RTN4R: variants seen among roughly 807,000 people sequenced by gnomAD.
RTN4R encodes the protein reticulon-4 receptor.
A neutral mutation model predicts 27.7 loss-of-function variants in RTN4R; 4 were observed. That is an observed-to-expected ratio of 0.14 (90% CI 0.07 to 0.33). The LOEUF (loss-of-function observed/expected upper bound fraction) is 0.33, where lower values mean the gene tolerates loss of function less well. Ranked by LOEUF, RTN4R falls within the 10% of genes least tolerant of loss-of-function variation. The pLI, the probability that RTN4R is intolerant of heterozygous loss-of-function variation, is 1.00. For synonymous variants in RTN4R, 290 were observed against 305.6 expected (o/e 0.95, Z 0.53); for missense variants, 554 against 671.5 (o/e 0.83, Z 1.93).
intron 1 of RTN4R, among the ~76,000 whole-genome samples, chr22:20,256,576 G>A (rs1417434521): frequency 6.6e-6 from 1 of 152,188 alleles, no homozygotes; most frequent in African/African-American, 2.4e-5. Flanking sequence ...CCTGTTCAGG[G>A]CAGCCCCTGG....
In RTN4R at chr22:20,265,839, A is replaced by G. The variant is rs183999305; in HGVS notation, c.22+2232T>C. Among the ~76,000 whole-genome samples the G allele has an allele frequency of 1.3e-3, 204 of 152,318 alleles. 1 individual carries two copies. Among genetic ancestry groups the G allele is most frequent in the African/African-American group, 4.5e-3 (187 of 41,560 alleles). On this transcript the variant is annotated intron_variant, in intron 1 of 1. Coordinates refer to ENST00000043402, the MANE Select transcript of RTN4R (RefSeq NM_023004.6). ...GCACCAGAGTCAGAACTCCACAGGG[A>G]AAGCCGGGCCAATTCCGCCCAGCCT...
intron 1 of RTN4R, among the ~76,000 whole-genome samples, chr22:20,265,855 C>T (rs1452492728): frequency 6.6e-6 from 1 of 152,228 alleles, no homozygotes; most frequent in Non-Finnish European, 1.5e-5. Context: ...GGGCCAATTC[C>T]GCCCAGCCTC....
In RTN4R at chr22:20,241,503, G is replaced by A; in HGVS notation, c.*208C>T. 1.7e-6 allele frequency: 1 copy of A among 598,756 alleles called. No homozygotes were observed. Among genetic ancestry groups the A allele is most frequent in the Non-Finnish European group, 3.0e-6 (1 of 335,494 alleles). 37.1% of individuals were successfully genotyped at this position (598,756 alleles called of 1,614,324 possible). ...ATCTCTATATACCGCGATCTGGGTGGGAGGCGGCGTTCTGGAACAAACGCT... is the reference window on the plus strand; with the variant it reads ...ATCTCTATATACCGCGATCTGGGTGAGAGGCGGCGTTCTGGAACAAACGCT... On this transcript the variant is annotated 3_prime_UTR_variant, in exon 2 of 2. Transcript: ENST00000043402.
chr22:20,244,942 A>G (rs1346456954), intron 1 of RTN4R, among the ~76,000 whole-genome samples: 1 of 151,712 alleles, frequency 6.6e-6, no homozygotes, highest in Non-Finnish European at 1.5e-5. Flanking sequence ...CACGCCCGCC[A>G]CATTACCACT....
chr22:20,259,209 C>T lies in RTN4R; in HGVS notation c.22+8862G>A, dbSNP rs371521158. ...CACCCCAGGGGACCGGCCTCCGCTC[C>T]GGCAGCGGGTGAAGAATGGACTCCA... On this transcript the variant is annotated intron_variant, in intron 1 of 1. Transcript: ENST00000043402. Among the ~76,000 whole-genome samples, 4 of 152,308 alleles carry T rather than the reference C, an allele frequency of 2.6e-5. No individual in the cohort carries two copies. The South Asian group carries it at 6.2e-4, about 24-fold the overall frequency.
At chr22:20,252,169 TTCA>T (rs886586082) in intron 1 of RTN4R, among the ~76,000 whole-genome samples, 37 of 85,108 alleles carry the variant, frequency 4.3e-4, no homozygotes, top group African/African-American at 1.5e-3. Flanking sequence ...CATCATCGTC[TTCA>T]TCATCATCAC....
intron 1 of RTN4R, among the ~76,000 whole-genome samples, chr22:20,251,775 C>G (rs2051180119): frequency 1.3e-5 from 2 of 150,014 alleles, no homozygotes; most frequent in Admixed American, 6.6e-5. Flanking sequence ...TCATCACCAT[C>G]CTCATCACCA....
chr22:20,253,548 G>A (rs965032971), intron 1 of RTN4R, among the ~76,000 whole-genome samples: 2 of 152,150 alleles, frequency 1.3e-5, no homozygotes, highest in African/African-American at 2.4e-5. Context: ...ACCCAGGGCC[G>A]ATGGGCAGAA....
chr22:20,266,081 G>A (rs1407215814), intron 1 of RTN4R, among the ~76,000 whole-genome samples: 7 of 152,180 alleles, frequency 4.6e-5, no homozygotes, highest in East Asian at 1.9e-4. Flanking sequence ...TCCCACCCCC[G>A]GCATGGGAGC....
intron 1 of RTN4R, among the ~76,000 whole-genome samples, chr22:20,246,820 G>A (rs986926502): frequency 2.0e-5 from 3 of 152,338 alleles, no homozygotes; most frequent in African/African-American, 7.2e-5. Context: ...TGGTGCCCTC[G>A]GGCCCCAATG....
rs1363533255 is a variant in RTN4R, at chr22:20,241,777, G to A, written c.1356C>T (p.Ser452=). The part of the protein sequence containing the change: ...GDSEGSGALP[S]LTCSLTPLGL... Reference sequence around the variant, plus strand: ...CCAGGGGGGTGAGGCTGCAGGTGAGGCTGGGTAGGGCACCTGAGCCTTCTG... The same window carrying A: ...CCAGGGGGGTGAGGCTGCAGGTGAGACTGGGTAGGGCACCTGAGCCTTCTG... The change falls in exon 2 of 2, where the codon AGC becomes AGT. Residue 452 remains serine, a synonymous_variant. Coordinates refer to ENST00000043402, the MANE Select transcript of RTN4R (RefSeq NM_023004.6). 6.4e-7 allele frequency: 1 copy of A among 1,557,014 alleles called. No individual in the cohort carries two copies. Among genetic ancestry groups the A allele is most frequent in the South Asian group, 1.2e-5 (1 of 84,916 alleles).
At chr22:20,250,975 C>T (rs2051173335) in intron 1 of RTN4R, among the ~76,000 whole-genome samples, 1 of 152,188 alleles carries the variant, frequency 6.6e-6, no homozygotes, top group Non-Finnish European at 1.5e-5. Flanking sequence ...GGTGGCACTT[C>T]AGAGGAGACA....
chr22:20,254,186 T>C (rs1468239427), intron 1 of RTN4R, among the ~76,000 whole-genome samples: 3 of 152,052 alleles, frequency 2.0e-5, no homozygotes, highest in African/African-American at 7.2e-5. Context: ...CCCAGCACTT[T>C]GGGAGACTGA....
At chr22:20,249,130 A>C (rs748919121) in intron 1 of RTN4R, 4 of 534,178 alleles carry the variant, frequency 7.5e-6, no homozygotes, top group Non-Finnish European at 1.5e-5. Context: ...TATCTGGAGA[A>C]TCCTGTCTCC....
In RTN4R at chr22:20,242,550, C is replaced by T. The variant is rs777614956; in HGVS notation, c.583G>A (p.Glu195Lys). 1.4e-5 allele frequency: 23 copies of T among 1,613,408 alleles called. No individual in the cohort carries two copies. Among genetic ancestry groups the T allele is most frequent in the South Asian group, 3.3e-5 (3 of 91,090 alleles). Reference protein sequence around the residue: ...LHGNRISSVPERAFRGLHSLD... With the variant: ...LHGNRISSVPKRAFRGLHSLD... Reference sequence around the variant, plus strand: ...CTGTGCAGCCCACGGAAGGCGCGCTCGGGCACGCTGGAGATGCGGTTGCCG... The same window carrying T: ...CTGTGCAGCCCACGGAAGGCGCGCTTGGGCACGCTGGAGATGCGGTTGCCG... The change falls in exon 2 of 2, where the codon GAG becomes AAG. Residue 195 changes from glutamate (E) to lysine (K), a missense_variant. By Grantham distance (56) the Glu-to-Lys change is moderately conservative. Around this residue, in one of 2 missense-constraint regions of RTN4R, gnomAD observed 413 missense variants for 542.3 expected, o/e 0.76. Transcript: ENST00000043402.
chr22:20,267,115 G>A (rs2051282285), intron 1 of RTN4R, among the ~76,000 whole-genome samples: 1 of 152,250 alleles, frequency 6.6e-6, no homozygotes, highest in African/African-American at 2.4e-5. Flanking sequence ...GCGGGGGCGA[G>A]GACACAGATA....
At chr22:20,253,171 G>A (rs1196620405) in intron 1 of RTN4R, among the ~76,000 whole-genome samples, 1 of 152,202 alleles carries the variant, frequency 6.6e-6, no homozygotes, top group Non-Finnish European at 1.5e-5. Context: ...TGGAAGAGGG[G>A]GCAGCAGCCA....
intron 1 of RTN4R, among the ~76,000 whole-genome samples, chr22:20,263,149 G>C (rs2051257415): frequency 6.6e-6 from 1 of 152,228 alleles, no homozygotes; most frequent in Non-Finnish European, 1.5e-5. Flanking sequence ...CAAATTGCTG[G>C]GAGAAGCAGT....
chr22:20,249,253 G>A, intron 1 of RTN4R: 1 of 529,094 alleles, frequency 1.9e-6, no homozygotes, highest in South Asian at 1.4e-5. Context: ...TCCCACCCTG[G>A]GGACGCACTC....
Sources: allele counts gnomAD v4.1 joint callset (sites outside exome capture counted in the v4.1 genomes callset), GRCh38; gene constraint gnomAD v4.1.1; regional missense constraint gnomAD v4.1.1; transcripts MANE v1.5; gene names NCBI Gene and HGNC (gene_info 2026-07-23, HGNC 2026-07-21).